Variants in SDC2 observed in about 807,000 individuals in gnomAD.
SDC2 encodes the protein syndecan 2.
Under a neutral mutation model 22.2 loss-of-function variants are expected in SDC2, and 13 were observed. The observed-to-expected ratio is 0.59, with a 90% CI of 0.38 to 0.93. The LOEUF (loss-of-function observed/expected upper bound fraction) is 0.93. Among genes scored for constraint, SDC2 ranks in the 40% least tolerant of loss-of-function variants. The pLI, the probability that SDC2 is intolerant of heterozygous loss-of-function variation, is 0.00. For missense variants in SDC2, 235 were observed against 246.8 expected (o/e 0.95, Z 0.32); for synonymous variants, 94 against 92.8 (o/e 1.01, Z -0.07).
chr8:96,573,294 A>T (rs1243221061), intron 1 of SDC2, among the ~76,000 whole-genome samples: 4 of 3,104 alleles, frequency 1.3e-3, no homozygotes. Context: ...CAGACCTCCC[A>T]ACAACAATGT....
intron 1 of SDC2, among the ~76,000 whole-genome samples, chr8:96,544,013 T>G (rs1310827790): frequency 1.3e-5 from 2 of 152,338 alleles, no homozygotes; most frequent in Admixed American, 1.3e-4. Flanking sequence ...GCTGTCAGAA[T>G]GAACTTAGAC....
chr8:96,528,227 G>A (rs775894078), intron 1 of SDC2, among the ~76,000 whole-genome samples: 5 of 151,862 alleles, frequency 3.3e-5, no homozygotes, highest in Non-Finnish European at 5.9e-5. Flanking sequence ...AGCTCTAAGC[G>A]AGAAAAAAAA....
chr8:96,554,929 A>G (rs751442233), intron 1 of SDC2, among the ~76,000 whole-genome samples: 1 of 152,060 alleles, frequency 6.6e-6, no homozygotes, highest in Non-Finnish European at 1.5e-5. Flanking sequence ...CTTTCTTTGC[A>G]GAAGCTGCTC....
rs1218276438 is a variant in SDC2, at chr8:96,562,688, A to G, written c.61-30792A>G. ...CCAGGAATTCCGTCGACACAATTAG[A>G]ATTGGTAATCCTTACCTTCAAATCT... On this transcript the variant is annotated intron_variant, in intron 1 of 4. Transcript: ENST00000302190. Among the ~76,000 whole-genome samples the G allele has an allele frequency of 2.0e-5, 3 of 152,246 alleles. No homozygotes were observed. The South Asian group carries it at 6.2e-4, about 31-fold the overall frequency.
intron 1 of SDC2, among the ~76,000 whole-genome samples, chr8:96,565,097 T>TTTTTTTTTTTG (rs1329448270): frequency 7.8e-6 from 1 of 128,656 alleles, no homozygotes; most frequent in African/African-American, 3.2e-5. Flanking sequence ...TTTTTTTTTT[T>TTTTTTTTTTTG]TTGTTGAGAT....
chr8:96,565,178 G>A (rs1008348818), intron 1 of SDC2, among the ~76,000 whole-genome samples: 6 of 143,422 alleles, frequency 4.2e-5, no homozygotes, highest in Non-Finnish European at 9.0e-5. Flanking sequence ...TCCGCCTCCC[G>A]GGTTCAAGCA....
At chr8:96,581,152 C>T (rs1274483305) in intron 1 of SDC2, among the ~76,000 whole-genome samples, 1 of 152,150 alleles carries the variant, frequency 6.6e-6, no homozygotes, top group Non-Finnish European at 1.5e-5. Context: ...TTAATTGTCA[C>T]TAGTAAATTA....
At chr8:96,498,703 C>A (rs911274184) in intron 1 of SDC2, among the ~76,000 whole-genome samples, 22 of 152,166 alleles carry the variant, frequency 1.4e-4, no homozygotes, top group Non-Finnish European at 4.4e-5. Flanking sequence ...GTTGGCCAGG[C>A]TGGTCTCCAA....
intron 1 of SDC2, among the ~76,000 whole-genome samples, chr8:96,577,557 T>C (rs1032500157): frequency 6.6e-6 from 1 of 152,196 alleles, no homozygotes; most frequent in Non-Finnish European, 1.5e-5. Context: ...TTTATTGGGA[T>C]TAATGAACCA....
intron 1 of SDC2, among the ~76,000 whole-genome samples, chr8:96,532,755 TC>T (rs1813686376): frequency 6.6e-6 from 1 of 152,078 alleles, no homozygotes; most frequent in Non-Finnish European, 1.5e-5. Flanking sequence ...GCTGAGTACA[TC>T]CGGGCTATGC....
chr8:96,544,278 G>A (rs777526560), intron 1 of SDC2, among the ~76,000 whole-genome samples: 1 of 152,094 alleles, frequency 6.6e-6, no homozygotes, highest in African/African-American at 2.4e-5. Context: ...CCATCCTACC[G>A]GTATACCTTG....
chr8:96,561,178 C>T (rs1563661985), intron 1 of SDC2, among the ~76,000 whole-genome samples: 1 of 152,090 alleles, frequency 6.6e-6, no homozygotes, highest in Admixed American at 6.6e-5. Context: ...CAAGTGATTC[C>T]ACACATTGGG....
chr8:96,498,937 A>G (rs1261145555), intron 1 of SDC2, among the ~76,000 whole-genome samples: 1 of 152,138 alleles, frequency 6.6e-6, no homozygotes, highest in African/African-American at 2.4e-5. Context: ...AGACACTTGC[A>G]TGCAGTTTGG....
intron 1 of SDC2, among the ~76,000 whole-genome samples, chr8:96,540,568 A>G (rs375019655): frequency 6.7e-6 from 1 of 149,548 alleles, no homozygotes; most frequent in Non-Finnish European, 1.5e-5. Flanking sequence ...TCACCCGCCC[A>G]TCTTTAGGAA....
chr8:96,524,225 A>C (rs948628913), intron 1 of SDC2, among the ~76,000 whole-genome samples: 4 of 152,170 alleles, frequency 2.6e-5, no homozygotes, highest in Admixed American at 1.3e-4. Context: ...AGCCAGATGA[A>C]CCTAAAATAA....
At chr8:96,558,212 A>G (rs1814151631) in intron 1 of SDC2, among the ~76,000 whole-genome samples, 1 of 151,954 alleles carries the variant, frequency 6.6e-6, no homozygotes, top group Admixed American at 6.6e-5. Context: ...GTGAGAGGAA[A>G]GGAGCTGGAT....
chr8:96,569,448 C>T (rs1169301548), intron 1 of SDC2, among the ~76,000 whole-genome samples: 1 of 152,158 alleles, frequency 6.6e-6, no homozygotes, highest in Non-Finnish European at 1.5e-5. Context: ...AGAGTATCTA[C>T]CTCCTGGATT....
At chr8:96,506,933 C>T (rs994677890) in intron 1 of SDC2, among the ~76,000 whole-genome samples, 13 of 150,784 alleles carry the variant, frequency 8.6e-5, no homozygotes, top group Admixed American at 3.3e-4. Flanking sequence ...GGCGTGAACC[C>T]GAGAGGTGGA....
chr8:96,528,361 A>G (rs1282515450), intron 1 of SDC2, among the ~76,000 whole-genome samples: 1 of 152,222 alleles, frequency 6.6e-6, no homozygotes, highest in Non-Finnish European at 1.5e-5. Context: ...ACAAATAACT[A>G]ATAATGATCA....
Sources: allele counts gnomAD v4.1 joint callset (sites outside exome capture counted in the v4.1 genomes callset), GRCh38; gene constraint gnomAD v4.1.1; transcripts MANE v1.5; gene names NCBI Gene and HGNC (gene_info 2026-07-23, HGNC 2026-07-21).